SMAP1: variants seen among roughly 807,000 people sequenced by gnomAD.
SMAP1 encodes stromal membrane-associated protein 1.
SMAP1 carries 24 observed loss-of-function variants against 58.5 expected under a neutral mutation model. The ratio of observed to expected loss-of-function variants is 0.41; its 90% CI spans 0.30 to 0.58. SMAP1 has a LOEUF of 0.58. Ranked by LOEUF, SMAP1 falls within the 20% of genes least tolerant of loss-of-function variation. SMAP1 has a pLI of 0.29. For missense variants in SMAP1, 563 were observed against 566.3 expected, an observed-to-expected ratio of 0.99 and a Z score of 0.06; for synonymous variants, 216 against 196.6, an observed-to-expected ratio of 1.10 and a Z score of -0.82.
chr6:70,696,104 G>A (rs1331461195), intron 1 of SMAP1, among the ~76,000 whole-genome samples: 1 of 151,944 alleles, frequency 6.6e-6, no homozygotes, highest in Non-Finnish European at 1.5e-5. Flanking sequence ...TTGAATTTCT[G>A]CAGTATTGGT....
intron 1 of SMAP1, among the ~76,000 whole-genome samples, chr6:70,724,439 G>A (rs1582065001): frequency 6.6e-6 from 1 of 152,086 alleles, no homozygotes; most frequent in Non-Finnish European, 1.5e-5. Context: ...CAGGTGATCC[G>A]CCTGCCTCGG....
At chr6:70,834,336 C>CT (rs1292393586) in intron 6 of SMAP1, among the ~76,000 whole-genome samples, 11 of 144,272 alleles carry the variant, frequency 7.6e-5, no homozygotes, top group Admixed American at 7.1e-4. Context: ...TTGTTTTATG[C>CT]TTTTTTCCAT....
intron 6 of SMAP1, among the ~76,000 whole-genome samples, chr6:70,829,389 T>C (rs1770269186): frequency 6.6e-6 from 1 of 152,184 alleles, no homozygotes; most frequent in African/African-American, 2.4e-5. Context: ...CCGGAACTAC[T>C]GTCACGTGCC....
intron 6 of SMAP1, among the ~76,000 whole-genome samples, chr6:70,827,420 T>C (rs941523417): frequency 1.3e-5 from 2 of 152,228 alleles, no homozygotes; most frequent in African/African-American, 4.8e-5. Flanking sequence ...ACCAAAGGTC[T>C]GGTATGAATT....
chr6:70,703,250 T>A (rs571362964), intron 1 of SMAP1, among the ~76,000 whole-genome samples: 1 of 152,220 alleles, frequency 6.6e-6, no homozygotes, highest in South Asian at 2.1e-4. Flanking sequence ...CTAATTTTTG[T>A]ATTTTTAGTA....
chr6:70,803,688 C>T (rs1385950868), intron 6 of SMAP1, among the ~76,000 whole-genome samples: 2 of 152,158 alleles, frequency 1.3e-5, no homozygotes, highest in Admixed American at 6.5e-5. Context: ...TATTCTGGTA[C>T]GTTCTATCTT....
At chr6:70,765,038 C>T (rs1385554103) in intron 3 of SMAP1, among the ~76,000 whole-genome samples, 2 of 152,146 alleles carry the variant, frequency 1.3e-5, no homozygotes, top group East Asian at 1.9e-4. Context: ...TCGGCTCAAG[C>T]GATCAGCCCA....
intron 1 of SMAP1, among the ~76,000 whole-genome samples, chr6:70,670,611 C>G (rs1417817861): frequency 6.6e-6 from 1 of 152,184 alleles, no homozygotes; most frequent in Admixed American, 6.5e-5. Flanking sequence ...AGCTCAGTTA[C>G]TAAGAAGTTT....
intron 1 of SMAP1, among the ~76,000 whole-genome samples, chr6:70,721,373 A>T (rs1307315162): frequency 1.3e-5 from 2 of 151,906 alleles, no homozygotes; most frequent in Non-Finnish European, 2.9e-5. Context: ...GAGTCACCTT[A>T]CTCCAGTTCC....
rs1347778730 is a variant in SMAP1 at position 70,858,218 on chromosome 6, A to G, written c.1258A>G (p.Ser420Gly). The change falls in exon 10 of 11, where the codon AGC becomes GGC. Residue 420 changes from serine to glycine, a missense_variant. By Grantham distance (56) the Ser-to-Gly change is moderately conservative. Coordinates refer to ENST00000370455, the MANE Select transcript of SMAP1 (RefSeq NM_001044305.3). ...GLPQAQQPQW[S>G]LSQMNQQMAG... ...GCCGCAAGCTCAGCAGCCCCAGTGG[A>G]GCCTCTCACAGGTAGGGGTCATTTA... 6.3e-7 allele frequency: 1 copy of G among 1,578,332 alleles called. No homozygotes were observed. Among genetic ancestry groups the G allele is most frequent in the Non-Finnish European group, 8.6e-7 (1 of 1,158,844 alleles).
intron 1 of SMAP1, among the ~76,000 whole-genome samples, chr6:70,694,961 G>A (rs527714425): frequency 6.6e-6 from 1 of 152,044 alleles, no homozygotes; most frequent in Non-Finnish European, 1.5e-5. Context: ...TTTTTTGTGC[G>A]TCTTTTTCAG....
At chr6:70,727,142 C>CT (rs1768827550) in intron 1 of SMAP1, among the ~76,000 whole-genome samples, 1 of 152,054 alleles carries the variant, frequency 6.6e-6, no homozygotes, top group African/African-American at 2.4e-5. Context: ...GCGTCTCCCT[C>CT]TGTCACCCAG....
chr6:70,670,716 A>T (rs1411452912), intron 1 of SMAP1, among the ~76,000 whole-genome samples: 2 of 152,202 alleles, frequency 1.3e-5, no homozygotes, highest in Non-Finnish European at 2.9e-5. Context: ...TAGTTAACTC[A>T]ATTTTCTTTC....
At chr6:70,676,499 C>T (rs1046311567) in intron 1 of SMAP1, among the ~76,000 whole-genome samples, 2 of 151,932 alleles carry the variant, frequency 1.3e-5, no homozygotes, top group Non-Finnish European at 2.9e-5. Context: ...GATTTGAGCC[C>T]GGGAGATATA....
At chr6:70,777,486 TCCTTGTATATTATGGATG>T (rs1354348422) in intron 4 of SMAP1, among the ~76,000 whole-genome samples, 1 of 152,176 alleles carries the variant, frequency 6.6e-6, no homozygotes, top group Non-Finnish European at 1.5e-5. Context: ...TTGTTCGAGT[TCCTTGTATATTATGGATG>T]CTAGTTTCTT....
chr6:70,747,808 G>A (rs1766106830), intron 2 of SMAP1, among the ~76,000 whole-genome samples: 1 of 152,128 alleles, frequency 6.6e-6, no homozygotes, highest in African/African-American at 2.4e-5. Context: ...TTACAAAAAA[G>A]AATACATTCT....
intron 7 of SMAP1, among the ~76,000 whole-genome samples, chr6:70,841,386 A>G (rs1770800542): frequency 6.6e-6 from 1 of 152,144 alleles, no homozygotes; most frequent in Non-Finnish European, 1.5e-5. Context: ...TGTCGGGTGC[A>G]CTGCCGAGGC....
chr6:70,820,059 A>AT (rs1562184093), intron 6 of SMAP1, among the ~76,000 whole-genome samples: 3 of 151,914 alleles, frequency 2.0e-5, no homozygotes, highest in African/African-American at 7.3e-5. Context: ...AATCTTATGG[A>AT]TTTTTTCTTT....
intron 4 of SMAP1, among the ~76,000 whole-genome samples, chr6:70,774,477 A>C (rs938242890): frequency 2.3e-4 from 35 of 152,210 alleles, no homozygotes; most frequent in Non-Finnish European, 4.9e-4. Flanking sequence ...CTGGTTTCCT[A>C]TTTGGCCCAT....
Sources: allele counts gnomAD v4.1 joint callset (sites outside exome capture counted in the v4.1 genomes callset), GRCh38; gene constraint gnomAD v4.1.1; transcripts MANE v1.5; gene names NCBI Gene and HGNC (gene_info 2026-07-23, HGNC 2026-07-21).